PRRG1: variants seen among roughly 807,000 people sequenced by gnomAD.
The protein encoded by PRRG1 is transmembrane gamma-carboxyglutamic acid protein 1.
In PRRG1, 5 loss-of-function variants were observed where a neutral mutation model predicts 11.8. The observed-to-expected ratio is 0.42, with a 90% CI of 0.22 to 0.89. The LOEUF (loss-of-function observed/expected upper bound fraction) is 0.89. Among genes scored for constraint, PRRG1 ranks in the 40% least tolerant of loss-of-function variants. The probability of loss-of-function intolerance (pLI) is 0.28; values close to 1 mark genes in which losing one functional copy is unlikely to be tolerated. For missense variants in PRRG1, 155 were observed against 166.1 expected (o/e 0.93, Z 0.37); for synonymous variants, 66 against 60.4 (o/e 1.09, Z -0.43).
At chrX:37,422,077 A>G (rs1932674532) in intron 2 of PRRG1, among the ~76,000 whole-genome samples, 1 of 111,655 alleles carries the variant, frequency 9.0e-6, no homozygotes, top group Non-Finnish European at 1.9e-5. Context: ...GTCCTGCTGT[A>G]TTACCTTCCA....
At chrX:37,403,645 TAATAA>T (rs782729817) in intron 1 of PRRG1, 242 of 420,112 alleles carry the variant, frequency 5.8e-4, no homozygotes, top group African/African-American at 1.2e-3. Flanking sequence ...TAAAATAAAA[TAATAA>T]AATAAAATAA....
intron 1 of PRRG1, among the ~76,000 whole-genome samples, chrX:37,361,821 T>TA (rs1930424666): frequency 8.9e-6 from 1 of 112,098 alleles, no homozygotes; most frequent in Non-Finnish European, 1.9e-5. Flanking sequence ...TCCAATTTTG[T>TA]AAAAAAATCT....
At chrX:37,402,113 TTC>T (rs1932013494) in intron 1 of PRRG1, among the ~76,000 whole-genome samples, 1 of 111,659 alleles carries the variant, frequency 9.0e-6, no homozygotes, top group African/African-American at 3.3e-5. Flanking sequence ...AATGACTTTC[TTC>T]ACAGAATTGG....
chrX:37,362,913 G>C (rs1466854996), intron 1 of PRRG1, among the ~76,000 whole-genome samples: 4 of 111,576 alleles, frequency 3.6e-5, no homozygotes, highest in African/African-American at 1.3e-4. Context: ...ACCCACTCTT[G>C]ACAGTTCTCT....
At chrX:37,448,993 T>C (rs1242645714) in intron 3 of PRRG1, among the ~76,000 whole-genome samples, 1 of 111,481 alleles carries the variant, frequency 9.0e-6, no homozygotes, top group Non-Finnish European at 1.9e-5. Context: ...TACATGTTAC[T>C]ACCTTAGAGA....
At chrX:37,430,099 A>G (rs1474233444) in intron 3 of PRRG1, among the ~76,000 whole-genome samples, 1 of 111,967 alleles carries the variant, frequency 8.9e-6, no homozygotes, top group Non-Finnish European at 1.9e-5. Flanking sequence ...AAACTATATC[A>G]TGTGTATATA....
chrX:37,370,200 T>C (rs782268960), intron 1 of PRRG1, among the ~76,000 whole-genome samples: 1 of 112,203 alleles, frequency 8.9e-6, no homozygotes, highest in Non-Finnish European at 1.9e-5. Flanking sequence ...TAGTATTCCA[T>C]TGTGAGTATA....
intron 1 of PRRG1, among the ~76,000 whole-genome samples, chrX:37,388,617 G>A (rs1556375814): frequency 1.8e-5 from 2 of 113,234 alleles, no homozygotes; most frequent in Non-Finnish European, 3.7e-5. Context: ...CGGGAGCAGT[G>A]TCCCCCGGCT....
chrX:37,355,106 A>T (rs1930195853), intron 1 of PRRG1, among the ~76,000 whole-genome samples: 1 of 110,095 alleles, frequency 9.1e-6, no homozygotes, highest in Non-Finnish European at 1.9e-5. Flanking sequence ...TTTTTTTGAG[A>T]TGAGGTCTCA....
Position 37,453,470 on chromosome X carries a change from C to T in PRRG1, c.506C>T (p.Pro169Leu), listed in dbSNP as rs1421209172. The change falls in exon 4 of 4, where the codon CCG becomes CTG. Residue 169 changes from proline to leucine, a missense_variant. By Grantham distance (98) the Pro-to-Leu change is moderately conservative. Coordinates refer to ENST00000378628, the MANE Select transcript of PRRG1 (RefSeq NM_001142395.2). The stretch of plus-strand genomic sequence containing the variant: ...ACTCGCCTGTCCAATTGTGATCCCC[C>T]GCCAACCTATGAGGAAGCCACTGGC... Reference protein sequence around the residue: ...VSTRLSNCDPPPTYEEATGQV... With the variant: ...VSTRLSNCDPLPTYEEATGQV... The T allele has an allele frequency of 7.5e-6, 9 of 1,207,799 alleles. No individual in the cohort carries two copies. Among genetic ancestry groups the T allele is most frequent in the Non-Finnish European group, 1.0e-5 (9 of 894,736 alleles).
At chrX:37,411,328 G>A (rs1174728728) in intron 2 of PRRG1, among the ~76,000 whole-genome samples, 1 of 111,443 alleles carries the variant, frequency 9.0e-6, no homozygotes, top group Non-Finnish European at 1.9e-5. Flanking sequence ...CCAATCCCCA[G>A]TGGATACCAG....
At chrX:37,414,089 C>T (rs1401977419) in intron 2 of PRRG1, among the ~76,000 whole-genome samples, 2 of 111,687 alleles carry the variant, frequency 1.8e-5, no homozygotes, top group African/African-American at 3.3e-5. Flanking sequence ...TGCATCCTGC[C>T]GTTAAGCGAC....
At chrX:37,410,291 G>A (rs1043664942) in intron 2 of PRRG1, among the ~76,000 whole-genome samples, 8 of 111,851 alleles carry the variant, frequency 7.2e-5, no homozygotes, top group African/African-American at 2.3e-4. Context: ...CTCATTTTAT[G>A]TATTATAAAA....
rs1325340162 is a variant in PRRG1 at position 37,455,797 on chromosome X, G to T, written c.*2176G>T. On this transcript the variant is annotated 3_prime_UTR_variant, in exon 4 of 4. Coordinates refer to ENST00000378628, the MANE Select transcript of PRRG1 (RefSeq NM_001142395.2). ...AGTGAACTGTGTATGTATGTGTGGG[G>T]TTTTTTTCTTTATTTTTAAATGAAA... The T allele has an allele frequency of 3.6e-5, 4 of 112,002 alleles. No individual in the cohort carries two copies. Among genetic ancestry groups the T allele is most frequent in the Admixed American group, 1.9e-4 (2 of 10,571 alleles). 9.2% of individuals were successfully genotyped at this position (112,002 alleles called of 1,213,427 possible).
intron 1 of PRRG1, among the ~76,000 whole-genome samples, chrX:37,402,639 T>G (rs1258683196): frequency 9.0e-6 from 1 of 111,594 alleles, no homozygotes; most frequent in African/African-American, 3.3e-5. Context: ...AAATGAGATC[T>G]AATTAAACTA....
chrX:37,384,387 A>G (rs1931255342), intron 1 of PRRG1, among the ~76,000 whole-genome samples: 1 of 111,859 alleles, frequency 8.9e-6, no homozygotes, highest in East Asian at 2.8e-4. Context: ...AATCCTGTCC[A>G]GATGCATTGT....
chrX:37,363,865 C>G (rs1179138807), intron 1 of PRRG1, among the ~76,000 whole-genome samples: 2 of 111,985 alleles, frequency 1.8e-5, no homozygotes, highest in African/African-American at 6.5e-5. Flanking sequence ...ATTCTTCACA[C>G]TGAAAATTCT....
In PRRG1 at chrX:37,432,213, A is replaced by C. The variant is rs191072359; in HGVS notation, c.171+6213A>C. Among the ~76,000 whole-genome samples, 540 of 109,204 alleles carry C rather than the reference A, an allele frequency of 4.9e-3. 4 individuals are homozygous for C. The highest frequency in any genetic ancestry group is 0.028 in the Middle Eastern group (6 of 215). 94.8% of individuals were successfully genotyped at this position (109,204 alleles called of 115,157 possible). A position where few individuals can be genotyped will look rare whatever the true frequency, so the allele number is the denominator to read the frequency against. ...CGCCATTCTCCTGCCTCAGCCTCCC[A>C]AGTAGCTGGGACTACAGACGCCTGC... is the stretch of plus-strand genomic sequence containing the variant. On this transcript the variant is annotated intron_variant, in intron 3 of 3. Coordinates refer to ENST00000378628, the MANE Select transcript of PRRG1 (RefSeq NM_001142395.2).
At chrX:37,450,256 A>G (rs1476549564) in intron 3 of PRRG1, among the ~76,000 whole-genome samples, 1 of 112,054 alleles carries the variant, frequency 8.9e-6, no homozygotes, top group Non-Finnish European at 1.9e-5. Flanking sequence ...ATGTTAAATG[A>G]CCTTGACTTT....
Sources: gnomAD v4.1 joint callset for allele counts (sites outside exome capture counted in the v4.1 genomes callset) on GRCh38, gnomAD v4.1.1 for gene constraint, MANE v1.5 for transcripts, NCBI Gene and HGNC (gene_info 2026-07-23, HGNC 2026-07-21) for gene names.